Variants in TJP2 observed in about 807,000 individuals in gnomAD.
The protein encoded by TJP2 is tight junction protein 2.
Under a neutral mutation model 133.1 loss-of-function variants are expected in TJP2, and 91 were observed. The ratio of observed to expected loss-of-function variants is 0.68; its 90% CI spans 0.58 to 0.81. TJP2 has a LOEUF of 0.81. Among genes scored for constraint, TJP2 ranks in the 40% least tolerant of loss-of-function variants. The probability of loss-of-function intolerance (pLI) is 0.00; values close to 1 mark genes in which losing one functional copy is unlikely to be tolerated. For missense variants in TJP2, 1,541 were observed against 1,565.6 expected, an observed-to-expected ratio of 0.98 and a Z score of 0.26; for synonymous variants, 592 against 583.4, an observed-to-expected ratio of 1.01 and a Z score of -0.21.
In TJP2 at chr9:69,151,734, A is replaced by G. The variant is rs961608914; in HGVS notation, c.-47A>G. The G allele has an allele frequency of 2.4e-6, 3 of 1,232,144 alleles. No homozygotes were observed. The South Asian group carries it at 1.2e-4, about 51-fold the overall frequency. The allele number at this position is 1,232,144 out of a possible 1,614,324, so 76.3% of individuals were successfully genotyped here. A position where few individuals can be genotyped will look rare whatever the true frequency, so the allele number is the denominator to read the frequency against. On this transcript the variant is annotated 5_prime_UTR_variant, in exon 2 of 6. Transcript: ENST00000423935. ...AGCTCCAGGAGCAAGTACTCCAGGA[A>G]GCACAGAGCTGTACCAGTACACGGC...
intron 1 of TJP2, among the ~76,000 whole-genome samples, chr9:69,185,644 A>G (rs1392120172): frequency 6.6e-6 from 1 of 152,192 alleles, no homozygotes; most frequent in African/African-American, 2.4e-5. Context: ...TTTTAAAGTC[A>G]TTCCACTTTA....
In TJP2 at chr9:69,236,176, C is replaced by G; in HGVS notation, c.1929C>G (p.Gly643=). Residue 643 remains glycine (G), a synonymous_variant, in exon 13 of 23, where the codon GGC becomes GGG. Transcript: ENST00000377245. The part of the protein sequence containing the change: ...VVDTLYDGKL[G]NWLAVRIGNE... ...ACACACTGTATGACGGCAAGCTGGGCAACTGGCTGGCTGTGAGGATTGGGA... is the reference window on the plus strand; with the variant it reads ...ACACACTGTATGACGGCAAGCTGGGGAACTGGCTGGCTGTGAGGATTGGGA... The G allele has an allele frequency of 6.2e-7, 1 of 1,614,146 alleles. No homozygotes were observed.
chr9:69,173,449 C>T (rs1008339378), upstream of TJP2, among the ~76,000 whole-genome samples: 4 of 152,198 alleles, frequency 2.6e-5, no homozygotes, highest in African/African-American at 9.6e-5. Flanking sequence ...GTCAGATAAG[C>T]ACTTGTGACC....
Position 69,215,378 on chromosome 9 carries a change from T to C in TJP2, c.115-961T>C, listed in dbSNP as rs116268285. The stretch of plus-strand genomic sequence containing the variant: ...GAAGAGCAGTCTTTTCCCGCCCAGC[T>C]AGAAAGTTGTGGTTTTTTTTTTTTG... On this transcript the variant is annotated intron_variant, in intron 2 of 22. Coordinates refer to ENST00000377245, the MANE Select transcript of TJP2 (RefSeq NM_004817.4). 6.6e-3 allele frequency among the ~76,000 whole-genome samples: 937 copies of C among 141,054 alleles called. 9 individuals carry two copies. The highest frequency in any genetic ancestry group is 0.022 in the African/African-American group (889 of 39,594). The allele number at this position is 141,054 out of a possible 152,430, so 92.5% of individuals were successfully genotyped here.
At chr9:69,137,978 A>G (rs1483811951) in intron 1 of TJP2, among the ~76,000 whole-genome samples, 2 of 152,142 alleles carry the variant, frequency 1.3e-5, no homozygotes, top group Non-Finnish European at 2.9e-5. Context: ...GGGTTAGTAT[A>G]GAATTGATTT....
At chr9:69,234,292 A>G in intron 11 of TJP2, 147 bp from the exon 12 acceptor site, 2 of 668,296 alleles carry the variant, frequency 3.0e-6, no homozygotes, top group Non-Finnish European at 5.0e-6. Flanking sequence ...ACTCATTTGC[A>G]TCTTGGCTTT....
chr9:69,147,409 T>C lies in TJP2; in HGVS notation c.-130-4242T>C, dbSNP rs1001943547. ...TTGTTCTGAACCTATGATTAGGGAA[T>C]TGGGGAGATGCAAGCCGTGGCCTAT... On this transcript the variant is annotated intron_variant, in intron 1 of 5. Coordinates refer to the TJP2 transcript ENST00000423935. Among the ~76,000 whole-genome samples the C allele has an allele frequency of 3.3e-5, 5 of 152,132 alleles. No individual in the cohort carries two copies. In the South Asian group the frequency reaches 6.2e-4, roughly 19 times the overall value.
intron 1 of TJP2, among the ~76,000 whole-genome samples, chr9:69,145,124 G>A (rs1179179500): frequency 6.6e-6 from 1 of 152,164 alleles, no homozygotes; most frequent in Non-Finnish European, 1.5e-5. Context: ...CCACCAAATT[G>A]TTTCTTAATT....
rs1822288221 is a variant in TJP2 at position 69,125,890 on chromosome 9, G to T, written c.-131+4165G>T. Among the ~76,000 whole-genome samples the T allele has an allele frequency of 2.6e-5, 2 of 77,106 alleles. 1 individual carries two copies. Among genetic ancestry groups the T allele is most frequent in the South Asian group, 7.2e-4 (2 of 2,764 alleles). 50.6% of individuals were successfully genotyped at this position (77,106 alleles called of 152,430 possible). On this transcript the variant is annotated intron_variant, in intron 1 of 5. Coordinates refer to the TJP2 transcript ENST00000423935. The stretch of plus-strand genomic sequence containing the variant: ...ACTGGTCTCCATAGGAGATATCAAG[G>T]TACTGGACTAGTATTTGATTTAGCA...
chr9:69,192,364 A>T (rs761001400), intron 1 of TJP2, among the ~76,000 whole-genome samples: 72 of 152,154 alleles, frequency 4.7e-4, no homozygotes, highest in Non-Finnish European at 1.8e-4. Flanking sequence ...TATTCACTGG[A>T]TGCTTAGAGA....
At chr9:69,148,269 C>T (rs1331332552) in intron 1 of TJP2, among the ~76,000 whole-genome samples, 7 of 93,480 alleles carry the variant, frequency 7.5e-5, no homozygotes, top group African/African-American at 1.5e-4. Flanking sequence ...TTTTGAGACA[C>T]AGTCTCAAAA....
intron 1 of TJP2, among the ~76,000 whole-genome samples, chr9:69,141,149 C>T (rs909389814): frequency 2.6e-5 from 4 of 152,192 alleles, no homozygotes; most frequent in Admixed American, 6.5e-5. Flanking sequence ...CTGCACCCGG[C>T]CTGAAAGTTT....
At chr9:69,251,975 T>C (rs1230556299) in intron 21 of TJP2, among the ~76,000 whole-genome samples, 1 of 152,062 alleles carries the variant, frequency 6.6e-6, no homozygotes, top group East Asian at 1.9e-4. Context: ...TCAACCACTT[T>C]TTTCTTTTAT....
chr9:69,145,642 G>A (rs1823181666), intron 1 of TJP2: 1 of 1,005,268 alleles, frequency 9.9e-7, no homozygotes, highest in Non-Finnish European at 1.3e-6. Context: ...TTAAAGATTA[G>A]TTCAGTTGCT....
At chr9:69,130,662 CTG>C (rs1822455538) in intron 1 of TJP2, among the ~76,000 whole-genome samples, 1 of 152,056 alleles carries the variant, frequency 6.6e-6, no homozygotes. Flanking sequence ...TCTGGGCATC[CTG>C]TGTGTGCAGG....
intron 17 of TJP2, among the ~76,000 whole-genome samples, chr9:69,242,815 T>G (rs1435115723): frequency 6.6e-6 from 1 of 152,190 alleles, no homozygotes; most frequent in Non-Finnish European, 1.5e-5. Flanking sequence ...CCAGAAACAC[T>G]AGTCTTTACA....
chr9:69,235,345 C>T (rs909070736), intron 12 of TJP2, among the ~76,000 whole-genome samples: 15 of 151,224 alleles, frequency 9.9e-5, no homozygotes, highest in South Asian at 4.2e-4. Context: ...TTTTTTGAGA[C>T]GGAGTCTGGC....
intron 16 of TJP2, 57 bp downstream of exon 16, chr9:69,238,846 G>A (rs1045059172): frequency 5.7e-6 from 8 of 1,404,786 alleles, no homozygotes; most frequent in Non-Finnish European, 8.0e-6. Flanking sequence ...ATGGTTTGCT[G>A]CAGTCACTTT....
chr9:69,156,097 G>C (rs1400030320), intron 2 of TJP2, among the ~76,000 whole-genome samples: 1 of 152,210 alleles, frequency 6.6e-6, no homozygotes, highest in Admixed American at 6.5e-5. Flanking sequence ...AGGCAGGGTG[G>C]CTCACGCCTG....
Sources: gnomAD v4.1 joint callset for allele counts (sites outside exome capture counted in the v4.1 genomes callset) on GRCh38, gnomAD v4.1.1 for gene constraint, MANE v1.5 for transcripts, NCBI Gene and HGNC (gene_info 2026-07-23, HGNC 2026-07-21) for gene names.